ADAM33: variants seen among roughly 807,000 people sequenced by gnomAD.
The protein encoded by ADAM33 is disintegrin and metalloproteinase domain-containing protein 33.
In ADAM33, 103 loss-of-function variants were observed where a neutral mutation model predicts 106.2. That is an observed-to-expected ratio of 0.97 (90% CI 0.83 to 1.14). The LOEUF is 1.14. ADAM33 is among the 50% of genes most tolerant of loss of function. The pLI, the probability that ADAM33 is intolerant of heterozygous loss-of-function variation, is 0.00. For missense variants in ADAM33, 1,120 were observed against 1,096.6 expected (o/e 1.02, Z -0.30); for synonymous variants, 483 against 453.0 (o/e 1.07, Z -0.84).
chr20:3,674,248 C>A lies in ADAM33; in HGVS notation c.637G>T (p.Glu213Ter). 6.2e-7 allele frequency: 1 copy of A among 1,614,040 alleles called. No homozygotes were observed. The highest frequency in any genetic ancestry group is 1.1e-5 in the South Asian group (1 of 91,084). ...GTGTGGTCTGCCACAATGTACAGTT[C>A]CAGGTACTTCCGGGTCCTGCGCGCT... ...REARRTRKYL[E>*]LYIVADHTLF... Residue 213 changes from glutamate (E) to a stop codon, truncating the protein, a stop_gained, in exon 7 of 22, where the codon GAA (glutamate) becomes TAA (stop). Transcript: ENST00000356518. LOFTEE classifies it high-confidence loss of function.
intron 14 of ADAM33, 48 bp downstream of exon 14, chr20:3,672,086 C>G: frequency 6.3e-7 from 1 of 1,592,440 alleles, no homozygotes; most frequent in South Asian, 1.1e-5. Context: ...AAAACTGGCC[C>G]CACCAGAGGA....
chr20:3,677,143 C>A lies in ADAM33; in HGVS notation c.178G>T (p.Val60Phe), dbSNP rs1341012563. ...PWRTVSLEEPVSKPDMGLVAL... is the reference protein window; with the variant it reads ...PWRTVSLEEPFSKPDMGLVAL... ...ACCAGCCCCATGTCTGGCTTCGAGA[C>A]CTGGGCAAGAAAATGTGTGGAGCTG... Residue 60 changes from valine (V) to phenylalanine (F), a missense_variant and splice_region_variant, in exon 3 of 22, where the codon GTC becomes TTC. By Grantham distance (50) the Val-to-Phe change is conservative (BLOSUM62 -1). Coordinates refer to ENST00000356518, the MANE Select transcript of ADAM33 (RefSeq NM_025220.5). The A allele has an allele frequency of 5.0e-6, 8 of 1,607,652 alleles. No individual in the cohort carries two copies. The South Asian group carries it at 8.9e-5, about 18-fold the overall frequency.
chr20:3,673,122 C>T (rs1001382550), intron 11 of ADAM33: 36 of 1,461,456 alleles, frequency 2.5e-5, no homozygotes, highest in Non-Finnish European at 2.7e-5. Context: ...GGTGCTCCTC[C>T]CGGTGTAGGA....
Position 3,677,068 on chromosome 20 carries a change from G to C in ADAM33, c.253C>G (p.His85Asp), listed in dbSNP as rs758716547. The C allele has an allele frequency of 6.2e-7, 1 of 1,612,698 alleles. No homozygotes were observed. Among genetic ancestry groups the C allele is most frequent in the Non-Finnish European group, 8.5e-7 (1 of 1,179,710 alleles). ...GCCCTACCCCAGCCTGGCACTCACT[G>C]GTTCTTCTCCAGCTCAAGCAGGAGC... Reference protein sequence around the residue: ...QELLLELEKNHRLLAPGYIET... With the variant: ...QELLLELEKNDRLLAPGYIET... Residue 85 changes from histidine to aspartate, a missense_variant and splice_region_variant, in exon 3 of 22, where the codon CAC becomes GAC. Coordinates refer to ENST00000356518, the MANE Select transcript of ADAM33 (RefSeq NM_025220.5).
At chr20:3,676,647 A>C (rs910379058) in intron 3 of ADAM33, among the ~76,000 whole-genome samples, 16 of 151,852 alleles carry the variant, frequency 1.1e-4, no homozygotes, top group Non-Finnish European at 2.1e-4. Flanking sequence ...CCATGTTGGC[A>C]AGGCTGGTCT....
chr20:3,669,444 G>A, intron 20 of ADAM33, 74 bp from the exon 21 acceptor site: 2 of 1,551,204 alleles, frequency 1.3e-6, no homozygotes, highest in Non-Finnish European at 1.7e-6. Flanking sequence ...AGGGGCATAG[G>A]GGACTCAAGG....
At chr20:3,676,435 TC>T (rs1483562891) in intron 3 of ADAM33, among the ~76,000 whole-genome samples, 2 of 151,948 alleles carry the variant, frequency 1.3e-5, no homozygotes, top group African/African-American at 4.8e-5. Context: ...TTTTTCTTTT[TC>T]TTTTTTTTCT....
chr20:3,673,191 T>C, intron 11 of ADAM33, 163 bp downstream of exon 11: 2 of 1,524,002 alleles, frequency 1.3e-6, no homozygotes, highest in Admixed American at 2.0e-5. Context: ...CCACTTTGCC[T>C]GAGCTTCTTC....
chr20:3,669,931 GC>G, intron 19 of ADAM33: 1 of 549,106 alleles, frequency 1.8e-6, no homozygotes, highest in Non-Finnish European at 3.3e-6. Flanking sequence ...GCATCGCTCA[GC>G]TTCCAAAGAA....
rs748181775 is a variant in ADAM33 at position 3,671,118 on chromosome 20, C to CGCTGAGG, written c.2121_2127dup (p.Val710ProfsTer73). The stretch of plus-strand genomic sequence containing the variant: ...GCCCCTGGGAGCAGAGGCAGCAGGA[C>CGCTGAGG]GCTGAGGAGCATGGCCAGCAGGAAG... On this transcript the variant is annotated frameshift_variant, in exon 19 of 22. Transcript: ENST00000356518. LOFTEE classifies it high-confidence loss of function. 2.4e-5 allele frequency: 39 copies of CGCTGAGG among 1,606,466 alleles called. No homozygotes were observed. The East Asian group carries it at 7.8e-4, about 32-fold the overall frequency.
chr20:3,677,954 AC>A (rs1329188591), intron 2 of ADAM33, among the ~76,000 whole-genome samples: 1 of 152,018 alleles, frequency 6.6e-6, no homozygotes, highest in African/African-American at 2.4e-5. Context: ...GGAATGTTTA[AC>A]CCCCGACTCC....
rs762502504 is a variant in ADAM33 at position 3,675,114 on chromosome 20, G to C, written c.255-9C>G. Reference sequence around the variant, plus strand: ...CTGGGGCCAGCAGCCTGCTGAGAGGGGGTGTTACAGGGAACACTGAATTCA... The same window carrying C: ...CTGGGGCCAGCAGCCTGCTGAGAGGCGGTGTTACAGGGAACACTGAATTCA... On this transcript the variant is annotated splice_polypyrimidine_tract_variant and intron_variant, in intron 3 of 21. Coordinates refer to ENST00000356518, the MANE Select transcript of ADAM33 (RefSeq NM_025220.5). The surrounding 1 kb of genome is among the most constrained non-coding windows in gnomAD (Gnocchi z 4.1). The C allele has an allele frequency of 2.5e-6, 4 of 1,601,150 alleles. No homozygotes were observed. Among genetic ancestry groups the C allele is most frequent in the Non-Finnish European group, 3.4e-6 (4 of 1,170,116 alleles).
chr20:3,681,181 G>A (rs557554469), intron 1 of ADAM33, among the ~76,000 whole-genome samples: 95 of 152,300 alleles, frequency 6.2e-4, no homozygotes, highest in African/African-American at 2.2e-3. Flanking sequence ...GGCACTTGCT[G>A]TGCAGGACTG....
intron 8 of ADAM33, 53 bp downstream of exon 8, chr20:3,674,011 G>A (rs2087761966): frequency 1.1e-5 from 18 of 1,612,108 alleles, no homozygotes; most frequent in African/African-American, 4.0e-5. Context: ...ACCAGCACCT[G>A]CCTGTCCTGC....
At chr20:3,674,978 G>T (rs745954223) in intron 4 of ADAM33, 49 bp downstream of exon 4, 29 of 1,603,554 alleles carry the variant, frequency 1.8e-5, no homozygotes, top group East Asian at 6.7e-5. Flanking sequence ...TAGGAATGGT[G>T]GGGGGGTACC....
Position 3,673,050 on chromosome 20 carries a change from C to G in ADAM33, c.1134-152G>C, listed in dbSNP as rs1049253715. The G allele has an allele frequency of 3.5e-6, 5 of 1,437,800 alleles. No individual in the cohort carries two copies. In the Admixed American group the frequency reaches 1.1e-4, roughly 32 times the overall value. 89.1% of individuals were successfully genotyped at this position (1,437,800 alleles called of 1,614,324 possible). A position where few individuals can be genotyped will look rare whatever the true frequency, so the allele number is the denominator to read the frequency against. On this transcript the variant is annotated intron_variant, in intron 11 of 21. Coordinates refer to ENST00000356518, the MANE Select transcript of ADAM33 (RefSeq NM_025220.5). ...GCGCAAAGTCACACAACAAGCGGGA[C>G]AGGGGACGATGCGGCCCCAATAGTG...
Position 3,671,352 on chromosome 20 carries a change from A to AGAAGAGAAG in ADAM33, c.1984-16_1984-8dup. The AGAAGAGAAG allele has an allele frequency of 6.2e-7, 1 of 1,612,962 alleles. No homozygotes were observed. Among genetic ancestry groups the AGAAGAGAAG allele is most frequent in the Non-Finnish European group, 8.5e-7 (1 of 1,179,188 alleles). On this transcript the variant is annotated splice_region_variant and splice_polypyrimidine_tract_variant and intron_variant, in intron 17 of 21. Coordinates refer to ENST00000356518, the MANE Select transcript of ADAM33 (RefSeq NM_025220.5). ...TATGGTTGCTATTGCAAACCTGCAG[A>AGAAGAGAAG]GAAGAGAAGAGGAGGGTCACGTAGG...
Position 3,671,787 on chromosome 20 carries a change from G to A in ADAM33, c.1707-8C>T, listed in dbSNP as rs752642852. ...TTCCCACACAGGGCATCCCTGGGGA[G>A]GAAGTAGAGGGGGGTCAACAGCTGC... On this transcript the variant is annotated splice_region_variant and splice_polypyrimidine_tract_variant and intron_variant, in intron 15 of 21. Coordinates refer to ENST00000356518, the MANE Select transcript of ADAM33 (RefSeq NM_025220.5). 1.8e-5 allele frequency: 28 copies of A among 1,556,808 alleles called. No individual in the cohort carries two copies. In the South Asian group the frequency reaches 2.4e-4, roughly 13 times the overall value.
chr20:3,671,825 C>A, intron 15 of ADAM33, 46 bp from the exon 16 acceptor site: 1 of 1,551,458 alleles, frequency 6.4e-7, no homozygotes, highest in Non-Finnish European at 8.7e-7. Context: ...TACCCCCCTT[C>A]CCCAAACCCA....
Sources: allele counts gnomAD v4.1 joint callset (sites outside exome capture counted in the v4.1 genomes callset), GRCh38; gene constraint gnomAD v4.1.1; non-coding constraint Gnocchi (gnomAD v3.1); transcripts MANE v1.5; gene names NCBI Gene and HGNC (gene_info 2026-07-23, HGNC 2026-07-21).